SLC17A5: variants seen among roughly 807,000 people sequenced by gnomAD.
The protein encoded by SLC17A5 is solute carrier family 17 member 5.
A neutral mutation model predicts 59.4 loss-of-function variants in SLC17A5; 47 were observed. The ratio of observed to expected loss-of-function variants is 0.79; its 90% CI spans 0.63 to 1.01. The LOEUF (loss-of-function observed/expected upper bound fraction) is 1.01. Ranked by LOEUF, SLC17A5 falls within the 50% of genes least tolerant of loss-of-function variation. The pLI, the probability that SLC17A5 is intolerant of heterozygous loss-of-function variation, is 0.00. For missense variants in SLC17A5, 522 were observed against 595.5 expected (o/e 0.88, Z 1.28); for synonymous variants, 202 against 210.7 (o/e 0.96, Z 0.36).
At chr6:73,625,271 C>T (rs190795198) in intron 6 of SLC17A5, among the ~76,000 whole-genome samples, 18 of 152,312 alleles carry the variant, frequency 1.2e-4, no homozygotes, top group African/African-American at 4.3e-4. Flanking sequence ...ACTGCAACCT[C>T]TGCCTCTGAG....
At chr6:73,632,727 C>A (rs1013429120) in intron 6 of SLC17A5, among the ~76,000 whole-genome samples, 1 of 151,478 alleles carries the variant, frequency 6.6e-6, no homozygotes, top group Non-Finnish European at 1.5e-5. Context: ...CAGATGCGAG[C>A]CACCACCCCT....
At chr6:73,623,660 ATTTTTATT>A (rs762290960) in intron 6 of SLC17A5, among the ~76,000 whole-genome samples, 11 of 137,210 alleles carry the variant, frequency 8.0e-5, no homozygotes, top group Non-Finnish European at 1.1e-4. Context: ...AGTGTCTTTT[ATTTTTATT>A]TATTTATTTA....
At chr6:73,649,417 C>G (rs1465837654) in intron 1 of SLC17A5, among the ~76,000 whole-genome samples, 1 of 152,134 alleles carries the variant, frequency 6.6e-6, no homozygotes, top group Non-Finnish European at 1.5e-5. Flanking sequence ...CCAGCCTGGG[C>G]AACATGATGA....
intron 7 of SLC17A5, among the ~76,000 whole-genome samples, chr6:73,619,138 T>C (rs1768017279): frequency 6.6e-6 from 1 of 152,050 alleles, no homozygotes; most frequent in African/African-American, 2.4e-5. Context: ...CAGAAGACAC[T>C]CAACATTTAT....
At chr6:73,601,129 G>A (rs572765901) in intron 9 of SLC17A5, among the ~76,000 whole-genome samples, 189 of 151,078 alleles carry the variant, frequency 1.3e-3, no homozygotes, top group African/African-American at 4.5e-3. Flanking sequence ...ATCCCATCTG[G>A]GAAGTGAGGA....
At chr6:73,639,165 G>C (rs562846508) in intron 3 of SLC17A5, among the ~76,000 whole-genome samples, 1 of 152,028 alleles carries the variant, frequency 6.6e-6, no homozygotes, top group African/African-American at 2.4e-5. Context: ...TTACTGACAC[G>C]GAGAGCTAAC....
chr6:73,635,611 G>A lies in SLC17A5; in HGVS notation c.701-111C>T, dbSNP rs377757236. 4.2e-4 allele frequency: 256 copies of A among 614,792 alleles called. 5 individuals carry two copies. In the South Asian group the frequency reaches 4.6e-3, roughly 11 times the overall value. The allele number at this position is 614,792 out of a possible 1,614,324, so 38.1% of individuals were successfully genotyped here. On this transcript the variant is annotated intron_variant, in intron 5 of 10. Coordinates refer to ENST00000355773, the MANE Select transcript of SLC17A5 (RefSeq NM_012434.5). ...ACCAACAACAATTTTTACATGTCTT[G>A]AAAAAATTATGTAACTATAAATTCA...
intron 9 of SLC17A5, among the ~76,000 whole-genome samples, chr6:73,601,422 G>T (rs1345692541): frequency 6.8e-6 from 1 of 146,794 alleles, no homozygotes; most frequent in Non-Finnish European, 1.5e-5. Flanking sequence ...GGGGGGGTCA[G>T]CCCCGCGCCC....
intron 10 of SLC17A5, among the ~76,000 whole-genome samples, chr6:73,597,559 T>C (rs950793331): frequency 1.3e-5 from 2 of 151,866 alleles, no homozygotes; most frequent in Non-Finnish European, 2.9e-5. Flanking sequence ...CCGAGGTAGG[T>C]GGCTACCTTG....
chr6:73,633,863 G>C (rs963796072), intron 6 of SLC17A5, among the ~76,000 whole-genome samples: 1 of 150,992 alleles, frequency 6.6e-6, no homozygotes, highest in African/African-American at 2.4e-5. Context: ...CTGGGTGAGA[G>C]AGCGAAACTC....
chr6:73,601,152 G>C (rs1378841825), intron 9 of SLC17A5, among the ~76,000 whole-genome samples: 1 of 149,032 alleles, frequency 6.7e-6, no homozygotes, highest in Non-Finnish European at 1.5e-5. Context: ...GTCTCTGCCC[G>C]GCCGCCCATC....
intron 9 of SLC17A5, among the ~76,000 whole-genome samples, chr6:73,603,438 GAGA>G (rs1767251981): frequency 4.2e-5 from 4 of 95,786 alleles, no homozygotes; most frequent in African/African-American, 1.7e-4. Flanking sequence ...TTTTTTTTTT[GAGA>G]CAGAGTTTCA....
intron 6 of SLC17A5, among the ~76,000 whole-genome samples, chr6:73,633,386 T>G (rs1024028982): frequency 1.3e-5 from 2 of 151,764 alleles, no homozygotes; most frequent in Non-Finnish European, 2.9e-5. Flanking sequence ...TAAAAAGAAA[T>G]GTTAAAGAGT....
In SLC17A5 at chr6:73,594,719, A is replaced by G. The variant is rs1330628072; in HGVS notation, c.*358T>C. On this transcript the variant is annotated 3_prime_UTR_variant, in exon 11 of 11. Transcript: ENST00000355773. ...AAGTGAACAACAACAGGTGTTTATC[A>G]GTACCTGAGAATTATCATCTAGTTT... The G allele has an allele frequency of 3.5e-6, 1 of 287,326 alleles. No homozygotes were observed. The highest frequency in any genetic ancestry group is 2.2e-5 in the African/African-American group (1 of 44,904). 17.8% of individuals were successfully genotyped at this position (287,326 alleles called of 1,614,324 possible).
rs544801600 is a variant in SLC17A5, at chr6:73,593,492, A to T, written c.*1585T>A. ...CATAAATGTATTCACATCACATTAA[A>T]CAGTTTTAAAATATTACACGTAGTG... is the stretch of plus-strand genomic sequence containing the variant. On this transcript the variant is annotated 3_prime_UTR_variant, in exon 11 of 11. Coordinates refer to ENST00000355773, the MANE Select transcript of SLC17A5 (RefSeq NM_012434.5). The T allele has an allele frequency of 1.3e-5, 2 of 152,386 alleles. No individual in the cohort carries two copies. Among genetic ancestry groups the T allele is most frequent in the Non-Finnish European group, 2.9e-5 (2 of 68,040 alleles). The allele number at this position is 152,386 out of a possible 1,614,324, so 9.4% of individuals were successfully genotyped here.
intron 1 of SLC17A5, among the ~76,000 whole-genome samples, chr6:73,652,274 G>T (rs919210571): frequency 1.3e-5 from 2 of 152,186 alleles, no homozygotes; most frequent in African/African-American, 4.8e-5. Flanking sequence ...TTTTAAAAGG[G>T]ATGCTATAAG....
intron 1 of SLC17A5, 55 bp from the exon 2 acceptor site, chr6:73,644,658 GAC>G: frequency 6.6e-7 from 1 of 1,506,308 alleles, no homozygotes; most frequent in Non-Finnish European, 9.0e-7. Flanking sequence ...TATTTTTAGA[GAC>G]AGGGTTTTGC....
At chr6:73,604,925 G>A (rs1024768009) in intron 9 of SLC17A5, among the ~76,000 whole-genome samples, 1 of 152,034 alleles carries the variant, frequency 6.6e-6, no homozygotes, top group Non-Finnish European at 1.5e-5. Flanking sequence ...GTTTATAAGG[G>A]TTTTATATAT....
chr6:73,615,422 T>C lies in SLC17A5; in HGVS notation c.1004A>G (p.Tyr335Cys). The stretch of plus-strand genomic sequence containing the variant: ...GATCATACATAACCAAGAGCCTAAA[T>C]AAGGCAATGAAGATAAAAACCCATT... ...QENGFLSSLP[Y>C]LGSWLCMILS... Residue 335 changes from tyrosine to cysteine, a missense_variant, in exon 8 of 11, where the codon TAT becomes TGT. Coordinates refer to ENST00000355773, the MANE Select transcript of SLC17A5 (RefSeq NM_012434.5). 6.2e-7 allele frequency: 1 copy of C among 1,613,848 alleles called. No individual in the cohort carries two copies. The highest frequency in any genetic ancestry group is 8.5e-7 in the Non-Finnish European group (1 of 1,179,970).
Sources: gnomAD v4.1 joint callset for allele counts (sites outside exome capture counted in the v4.1 genomes callset) on GRCh38, gnomAD v4.1.1 for gene constraint, MANE v1.5 for transcripts, NCBI Gene and HGNC (gene_info 2026-07-23, HGNC 2026-07-21) for gene names.